LRRC49: variants seen among roughly 807,000 people sequenced by gnomAD.
LRRC49 encodes leucine-rich repeat-containing protein 49.
In LRRC49, 50 loss-of-function variants were observed where a neutral mutation model predicts 83.3. That is an observed-to-expected ratio of 0.60 (90% confidence interval 0.48 to 0.76). LRRC49 has a LOEUF of 0.76. LRRC49 is among the 30% of genes least tolerant of loss of function. The pLI, the probability that LRRC49 is intolerant of heterozygous loss-of-function variation, is 0.00. For synonymous variants in LRRC49, 286 were observed against 283.3 expected (o/e 1.01, Z -0.10); for missense variants, 704 against 809.1 (o/e 0.87, Z 1.58).
upstream of LRRC49, among the ~76,000 whole-genome samples, chr15:70,891,567 CTGTGTGTGTGTG>C (rs3220843): frequency 0.019 from 2,651 of 137,114 alleles, 67 homozygotes; most frequent in African/African-American, 0.052. Context: ...GGACAAGACT[CTGTGTGTGTGTG>C]TGTGTGTGTG....
At chr15:71,041,089 A>G (rs962735573) in intron 15 of LRRC49, among the ~76,000 whole-genome samples, 2 of 152,138 alleles carry the variant, frequency 1.3e-5, no homozygotes, top group Non-Finnish European at 2.9e-5. Flanking sequence ...CAACACCTTC[A>G]TTTCAGCTTT....
upstream of LRRC49, chr15:70,892,571 C>T (rs2033627463): frequency 2.7e-6 from 4 of 1,486,778 alleles, no homozygotes; most frequent in East Asian, 5.1e-5. Context: ...GAGGAACGGA[C>T]CGGAAGTGGT....
intron 4 of LRRC49, among the ~76,000 whole-genome samples, chr15:70,903,078 G>T (rs570146413): frequency 2.0e-5 from 3 of 152,068 alleles, no homozygotes; most frequent in African/African-American, 7.2e-5. Context: ...AGTGATGACC[G>T]ATTCAAGAAT....
At chr15:71,030,324 A>C (rs2039310524) in intron 14 of LRRC49, among the ~76,000 whole-genome samples, 1 of 152,100 alleles carries the variant, frequency 6.6e-6, no homozygotes, top group Non-Finnish European at 1.5e-5. Context: ...TCTTTTCTTT[A>C]AGAATGTTGA....
In LRRC49 at chr15:71,049,927, T is replaced by G. The variant is rs1448955438; in HGVS notation, c.*315T>G. 1 of 214,720 alleles carries G rather than the reference T, an allele frequency of 4.7e-6. No homozygotes were observed. Among genetic ancestry groups the G allele is most frequent in the African/African-American group, 2.3e-5 (1 of 43,780 alleles). 13.3% of individuals were successfully genotyped at this position (214,720 alleles called of 1,614,324 possible). ...CTGCTATAGCCCAAAGCACGTAGTA[T>G]TTGCTGATGATTCAGCATGAGCTGC... is the stretch of plus-strand genomic sequence containing the variant. On this transcript the variant is annotated 3_prime_UTR_variant, in exon 16 of 16. Coordinates refer to ENST00000260382, the MANE Select transcript of LRRC49 (RefSeq NM_017691.5).
At chr15:70,985,571 T>C (rs1276465577) in intron 11 of LRRC49, among the ~76,000 whole-genome samples, 1 of 152,180 alleles carries the variant, frequency 6.6e-6, no homozygotes, top group Non-Finnish European at 1.5e-5. Flanking sequence ...TTCTCCCATT[T>C]TGTAAGTTGC....
intron 11 of LRRC49, 23 bp downstream of exon 11, chr15:70,984,280 G>T: frequency 6.5e-7 from 1 of 1,545,504 alleles, no homozygotes; most frequent in Non-Finnish European, 8.7e-7. Context: ...ATTTTTTCAA[G>T]ATACAAGCAT....
At chr15:70,933,521 C>T (rs1357703297) in intron 7 of LRRC49, among the ~76,000 whole-genome samples, 2 of 152,048 alleles carry the variant, frequency 1.3e-5, no homozygotes, top group Non-Finnish European at 2.9e-5. Context: ...TTACATTATC[C>T]CTAACCCCCA....
intron 1 of LRRC49, among the ~76,000 whole-genome samples, chr15:70,871,158 A>C (rs1469114785): frequency 6.6e-6 from 1 of 151,796 alleles, no homozygotes; most frequent in Non-Finnish European, 1.5e-5. Flanking sequence ...GATGACTCTT[A>C]ACGAGTATGC....
At chr15:71,010,140 G>A (rs1016631522) in intron 13 of LRRC49, 148 bp downstream of exon 13, 1 of 470,124 alleles carries the variant, frequency 2.1e-6, no homozygotes, top group Middle Eastern at 5.6e-4. Context: ...ATGTCAAAAG[G>A]CTAAGAATCT....
intron 11 of LRRC49, among the ~76,000 whole-genome samples, chr15:70,990,864 A>G (rs962602080): frequency 6.6e-6 from 1 of 152,210 alleles, no homozygotes; most frequent in Admixed American, 6.5e-5. Context: ...ATCCCGCCCT[A>G]GCTAACTTCA....
chr15:70,903,431 T>C (rs2034168593), intron 4 of LRRC49, among the ~76,000 whole-genome samples: 1 of 152,090 alleles, frequency 6.6e-6, no homozygotes, highest in South Asian at 2.1e-4. Flanking sequence ...AATTTCCTTT[T>C]CTTTTCCTCT....
chr15:71,034,521 T>G (rs1417707642), intron 14 of LRRC49, among the ~76,000 whole-genome samples: 1 of 152,208 alleles, frequency 6.6e-6, no homozygotes. Flanking sequence ...GACCCAGCAA[T>G]TCCATTAGTG....
chr15:70,984,494 T>G (rs2037523064), intron 11 of LRRC49: 1 of 358,494 alleles, frequency 2.8e-6, no homozygotes, highest in African/African-American at 2.1e-5. Flanking sequence ...GATTTCTTAA[T>G]ATAGTCTATG....
At chr15:71,029,618 G>A (rs1404514376) in intron 14 of LRRC49, among the ~76,000 whole-genome samples, 3 of 152,090 alleles carry the variant, frequency 2.0e-5, no homozygotes, top group Non-Finnish European at 4.4e-5. Context: ...TTGACAGTGG[G>A]CTGTTAAAGT....
intron 11 of LRRC49, among the ~76,000 whole-genome samples, chr15:70,989,570 G>A (rs1365684026): frequency 2.0e-5 from 3 of 152,064 alleles, no homozygotes; most frequent in Non-Finnish European, 4.4e-5. Flanking sequence ...TTTGCCTTTG[G>A]TTTGAATTTC....
chr15:70,923,722 T>G (rs2035089752), intron 7 of LRRC49, among the ~76,000 whole-genome samples: 1 of 151,870 alleles, frequency 6.6e-6, no homozygotes, highest in Admixed American at 6.6e-5. Flanking sequence ...CAGTACAAAA[T>G]GCACCCGGAT....
chr15:70,917,733 C>T (rs2034842256), intron 6 of LRRC49, among the ~76,000 whole-genome samples: 1 of 152,180 alleles, frequency 6.6e-6, no homozygotes, highest in South Asian at 2.1e-4. Context: ...CTGTGGGTTT[C>T]CTCTGAGCTG....
chr15:71,010,803 C>T (rs1315307740), intron 13 of LRRC49, among the ~76,000 whole-genome samples: 1 of 151,726 alleles, frequency 6.6e-6, no homozygotes, highest in East Asian at 1.9e-4. Context: ...AAACACTCCT[C>T]CAGAGGAAAA....
Sources: gnomAD v4.1 joint callset for allele counts (sites outside exome capture counted in the v4.1 genomes callset) on GRCh38, gnomAD v4.1.1 for gene constraint, MANE v1.5 for transcripts, NCBI Gene and HGNC (gene_info 2026-07-23, HGNC 2026-07-21) for gene names.